The following PFKFB3 variants were observed in gnomAD, a reference collection of about 807,000 sequenced individuals.
PFKFB3 encodes 6-phosphofructo-2-kinase/fructose-2,6-bisphosphatase 3.
PFKFB3 carries 33 observed loss-of-function variants against 68.0 expected under a neutral mutation model. The ratio of observed to expected loss-of-function variants is 0.49; its 90% CI spans 0.37 to 0.65. The LOEUF is 0.65. Among genes scored for constraint, PFKFB3 ranks in the 30% least tolerant of loss-of-function variants. The pLI, the probability that PFKFB3 is intolerant of heterozygous loss-of-function variation, is 0.00. For synonymous variants in PFKFB3, 315 were observed against 288.2 expected (o/e 1.09, Z -0.94); for missense variants, 586 against 712.2 (o/e 0.82, Z 2.02).
intron 1 of PFKFB3, among the ~76,000 whole-genome samples, chr10:6,183,826 T>C (rs1842792517): frequency 6.6e-6 from 1 of 151,210 alleles, no homozygotes; most frequent in Non-Finnish European, 1.5e-5. Context: ...TAGTTGGGAC[T>C]ACAGACAACT....
chr10:6,260,105 A>G, the PFKFB3 span, among the ~76,000 whole-genome samples: 6 of 152,184 alleles, frequency 3.9e-5, no homozygotes, highest in African/African-American at 1.4e-4. Context: ...AAAGATGTAT[A>G]CAATGAGGTT....
the PFKFB3 span, among the ~76,000 whole-genome samples, chr10:6,325,179 G>C: frequency 3.9e-5 from 6 of 152,128 alleles, no homozygotes; most frequent in African/African-American, 1.4e-4. Context: ...GCCCAGGCTG[G>C]TCTCAAACTC....
At chr10:6,177,432 T>TC (rs1416315102) in intron 1 of PFKFB3, among the ~76,000 whole-genome samples, 165 of 46,180 alleles carry the variant, frequency 3.6e-3, no homozygotes, top group East Asian at 0.012. Context: ...TTCCTTTCTT[T>TC]TCTTTCTCTT....
In PFKFB3 at chr10:6,228,236, C is replaced by T. The variant is rs774103484; in HGVS notation, c.1515+1871C>T. The T allele has an allele frequency of 3.0e-5, 48 of 1,612,386 alleles. No homozygotes were observed. The highest frequency in any genetic ancestry group is 4.0e-5 in the African/African-American group (3 of 74,924). ...GCCTGTCTGTAAGTATCTCTCCGAT[C>T]ATCGCTGCTGCTTGCACTGCTTTCT... is the stretch of plus-strand genomic sequence containing the variant. On this transcript the variant is annotated intron_variant, in intron 14 of 14. Coordinates refer to ENST00000379775, the MANE Select transcript of PFKFB3 (RefSeq NM_004566.4). This position sits in a 1 kb window ranked among gnomAD's most constrained non-coding sequence, Gnocchi z 4.5.
At chr10:6,289,976 G>A in the PFKFB3 span, among the ~76,000 whole-genome samples, 1 of 152,108 alleles carries the variant, frequency 6.6e-6, no homozygotes, top group African/African-American at 2.4e-5. Context: ...ATCGTGAATG[G>A]GAGTTCACTC....
chr10:6,243,077 T>C (rs1489585891), intron 14 of PFKFB3, among the ~76,000 whole-genome samples: 1 of 152,188 alleles, frequency 6.6e-6, no homozygotes, highest in African/African-American at 2.4e-5. Context: ...AAAAAAATAC[T>C]GGAAGACTCG....
rs527450997 is a variant in PFKFB3, at chr10:6,152,925, A to G, written c.16+7912A>G. On this transcript the variant is annotated intron_variant, in intron 1 of 14. Transcript: ENST00000379789. ...CTGGGCACGGTGGCTCACGCCTGTA[A>G]TCCCAGCACTTTGGGAGGCTGAGGT... 8.4e-4 allele frequency among the ~76,000 whole-genome samples: 128 copies of G among 151,700 alleles called. 1 individual carries two copies. Among genetic ancestry groups the G allele is most frequent in the Non-Finnish European group, 1.5e-3 (103 of 67,890 alleles).
intron 1 of PFKFB3, among the ~76,000 whole-genome samples, chr10:6,164,741 T>G (rs1353654084): frequency 1.3e-5 from 2 of 152,144 alleles, no homozygotes; most frequent in African/African-American, 2.4e-5. Context: ...CAAAGGAATC[T>G]GTATCATGAA....
upstream of PFKFB3, among the ~76,000 whole-genome samples, chr10:6,201,749 G>A (rs1269590735): frequency 6.6e-6 from 1 of 152,060 alleles, no homozygotes; most frequent in Non-Finnish European, 1.5e-5. This position sits in a 1 kb window ranked among gnomAD's most constrained non-coding sequence, Gnocchi z 4.1. Flanking sequence ...CGCTAAGTGT[G>A]CACCTCTCTG....
At chr10:6,302,362 GTTTTTTTTTTTTTTTTT>G in the PFKFB3 span, among the ~76,000 whole-genome samples, 6 of 78,492 alleles carry the variant, frequency 7.6e-5, no homozygotes, top group African/African-American at 3.9e-4. Flanking sequence ...TGCCTGGCCA[GTTTTTTTTTTTTTTTTT>G]TTTTTTTTTT....
rs1845475520 is a variant in PFKFB3 at position 6,228,108 on chromosome 10, T to C, written c.1515+1743T>C. 6.9e-7 allele frequency: 1 copy of C among 1,450,920 alleles called. No individual in the cohort carries two copies. Among genetic ancestry groups the C allele is most frequent in the Admixed American group, 1.7e-5 (1 of 59,344 alleles). The allele number at this position is 1,450,920 out of a possible 1,614,324, so 89.9% of individuals were successfully genotyped here. A position where few individuals can be genotyped will look rare whatever the true frequency, so the allele number is the denominator to read the frequency against. On this transcript the variant is annotated intron_variant, in intron 14 of 14. Transcript: ENST00000379775. This position sits in a 1 kb window ranked among gnomAD's most constrained non-coding sequence, Gnocchi z 4.5. ...CTTAGGGACGTCTGAAGCTGCTGGCTGGGCCGGCGTGGGGTTTTTCAGGGC... is the reference window on the plus strand; with the variant it reads ...CTTAGGGACGTCTGAAGCTGCTGGCCGGGCCGGCGTGGGGTTTTTCAGGGC...
chr10:6,287,998 C>T, the PFKFB3 span, among the ~76,000 whole-genome samples: 1 of 152,018 alleles, frequency 6.6e-6, no homozygotes, highest in Non-Finnish European at 1.5e-5. Context: ...CTGGGAGTGT[C>T]TTTATTTCTC....
chr10:6,206,945 C>T (rs1455448822), intron 1 of PFKFB3, among the ~76,000 whole-genome samples: 1 of 149,198 alleles, frequency 6.7e-6, no homozygotes, highest in African/African-American at 2.5e-5. Context: ...ACACTCCTCA[C>T]TTTCCAGACT....
At chr10:6,256,198 T>C (rs1331520699), downstream of PFKFB3, among the ~76,000 whole-genome samples, 7 of 152,208 alleles carry the variant, frequency 4.6e-5, no homozygotes, top group Admixed American at 4.6e-4. Context: ...TCCAGACTGG[T>C]ACTTTTCTGG....
rs188663693 is a variant in PFKFB3 at position 6,146,477 on chromosome 10, C to T, written c.16+1464C>T. 1.9e-4 allele frequency: 298 copies of T among 1,535,584 alleles called. 1 individual carries two copies. The East Asian group carries it at 6.0e-3, about 31-fold the overall frequency. Reference sequence around the variant, plus strand: ...CGTTTAGTCCCAAGGCCACTGTCTTCGGTGTCTCCATTAATCCAGGTATGA... The same window carrying T: ...CGTTTAGTCCCAAGGCCACTGTCTTTGGTGTCTCCATTAATCCAGGTATGA... On this transcript the variant is annotated intron_variant, in intron 1 of 14. Transcript: ENST00000379789.
intron 1 of PFKFB3, among the ~76,000 whole-genome samples, chr10:6,204,516 A>ACACC (rs1342744195): frequency 2.6e-5 from 4 of 152,062 alleles, no homozygotes; most frequent in African/African-American, 9.7e-5. Context: ...CCCTCTCCCC[A>ACACC]CACCCACCCC....
intron 1 of PFKFB3, among the ~76,000 whole-genome samples, chr10:6,158,892 C>T (rs1442552482): frequency 2.0e-5 from 3 of 151,610 alleles, no homozygotes; most frequent in African/African-American, 7.3e-5. Flanking sequence ...AGAAATTCAC[C>T]TACTCGAAAC....
intron 1 of PFKFB3, chr10:6,146,615 C>A: frequency 9.4e-7 from 1 of 1,066,046 alleles, no homozygotes; most frequent in Non-Finnish European, 1.3e-6. Context: ...CTTCTGCCCA[C>A]TTTTGTCGAT....
chr10:6,286,535 G>A, the PFKFB3 span, among the ~76,000 whole-genome samples: 1 of 152,014 alleles, frequency 6.6e-6, no homozygotes, highest in African/African-American at 2.4e-5. Context: ...AGGCCACCGT[G>A]CCCAGTTAAT....
Sources: allele counts gnomAD v4.1 joint callset (sites outside exome capture counted in the v4.1 genomes callset), GRCh38; gene constraint gnomAD v4.1.1; non-coding constraint Gnocchi (gnomAD v3.1); transcripts MANE v1.5; gene names NCBI Gene and HGNC (gene_info 2026-07-23, HGNC 2026-07-21).